C3orf52: variants seen among roughly 807,000 people sequenced by gnomAD.
C3orf52 encodes the protein chromosome 3 open reading frame 52.
C3orf52 carries 22 observed loss-of-function variants against 24.8 expected under a neutral mutation model. The observed-to-expected ratio is 0.89, with a 90% CI of 0.63 to 1.27. C3orf52 has a LOEUF of 1.27. C3orf52 is among the 50% of genes most tolerant of loss of function. The pLI, the probability that C3orf52 is intolerant of heterozygous loss-of-function variation, is 0.00. For synonymous variants in C3orf52, 93 were observed against 100.2 expected, an observed-to-expected ratio of 0.93 and a Z score of 0.43; for missense variants, 265 against 260.7, an observed-to-expected ratio of 1.02 and a Z score of -0.11.
chr3:112,091,104 G>A lies in C3orf52; in HGVS notation c.139-2256G>A, dbSNP rs143235251. On this transcript the variant is annotated intron_variant, in intron 1 of 5. Transcript: ENST00000264848. Reference sequence around the variant, plus strand: ...AGTGCTCCCCTCGCACCTCTGACAGGCTAGGCCTCAGAGTCAGTGTAAAGT... The same window carrying A: ...AGTGCTCCCCTCGCACCTCTGACAGACTAGGCCTCAGAGTCAGTGTAAAGT... Among the ~76,000 whole-genome samples the A allele has an allele frequency of 5.9e-3, 894 of 152,272 alleles. 14 individuals carry two copies. The highest frequency in any genetic ancestry group is 0.021 in the African/African-American group (855 of 41,552).
downstream of C3orf52, chr3:112,130,275 C>G: frequency 1.6e-6 from 1 of 632,994 alleles, no homozygotes; most frequent in Non-Finnish European, 2.9e-6. Flanking sequence ...TATCTCCTGT[C>G]CAAAGTTTTC....
chr3:112,124,845 A>G (rs1271621129), intron 4 of C3orf52, among the ~76,000 whole-genome samples: 3 of 152,040 alleles, frequency 2.0e-5, no homozygotes, highest in Admixed American at 6.5e-5. Context: ...CCTTTTAGCT[A>G]TTTGGCTTTG....
At chr3:112,113,272 C>T (rs2074103937) in intron 5 of C3orf52, 127 bp downstream of exon 5, 6 of 692,182 alleles carry the variant, frequency 8.7e-6, no homozygotes, top group South Asian at 6.0e-5. Flanking sequence ...TTCATTTATT[C>T]ACTCATCCCC....
rs1187751166 is a variant in C3orf52, at chr3:112,116,772, G to T, written c.*126G>T. ...CAGAAGCACCAGCAACACCAGAGGG[G>T]TGGAGACTCCTTTCTCTCCCGATTC... On this transcript the variant is annotated 3_prime_UTR_variant, in exon 6 of 6. Coordinates refer to ENST00000264848, the MANE Select transcript of C3orf52 (RefSeq NM_024616.3). 3 of 1,546,292 alleles carry T rather than the reference G, an allele frequency of 1.9e-6. No individual in the cohort carries two copies. The highest frequency in any genetic ancestry group is 4.9e-5 in the East Asian group (2 of 40,954).
intron 1 of C3orf52, 105 bp from the exon 2 acceptor site, chr3:112,093,255 C>T: frequency 8.4e-7 from 1 of 1,196,346 alleles, no homozygotes; most frequent in South Asian, 1.5e-5. Flanking sequence ...GCCCTAAGGT[C>T]AGGGTCTTGC....
rs568843889 is a variant in C3orf52 at position 112,110,570 on chromosome 3, A to T, written c.467+957A>T. Among the ~76,000 whole-genome samples, 13 of 152,238 alleles carry T rather than the reference A, an allele frequency of 8.5e-5. No individual in the cohort carries two copies. The East Asian group carries it at 2.5e-3, about 29-fold the overall frequency. ...ACCCATATGTATTTTTTATTTTTTA[A>T]ATTTCCTCCTCATCTTTAATGTTCT... On this transcript the variant is annotated intron_variant, in intron 4 of 5. Coordinates refer to ENST00000264848, the MANE Select transcript of C3orf52 (RefSeq NM_024616.3).
intron 4 of C3orf52, chr3:112,123,921 C>G: frequency 2.7e-6 from 2 of 749,698 alleles, no homozygotes; most frequent in Non-Finnish European, 4.3e-6. Context: ...TAAATGGCTG[C>G]TTCTACCCCA....
intron 2 of C3orf52, among the ~76,000 whole-genome samples, chr3:112,100,744 T>A (rs2073965567): frequency 6.6e-6 from 1 of 152,226 alleles, no homozygotes; most frequent in Admixed American, 6.5e-5. Flanking sequence ...CTAAAAATGA[T>A]AAATGTCATA....
At chr3:112,121,745 A>G (rs1447722394), downstream of C3orf52, 1 of 152,258 alleles carries the variant, frequency 6.6e-6, no homozygotes, top group African/African-American at 2.4e-5. Flanking sequence ...GCTGAAGACC[A>G]TCACCTGGCT....
intron 1 of C3orf52, among the ~76,000 whole-genome samples, chr3:112,087,876 T>G (rs1207901265): frequency 1.3e-5 from 2 of 152,150 alleles, no homozygotes; most frequent in Non-Finnish European, 2.9e-5. Context: ...TGGTGACAGT[T>G]TTGCCACTAA....
chr3:112,086,620 G>A, intron 1 of C3orf52, 75 bp downstream of exon 1: 1 of 1,489,620 alleles, frequency 6.7e-7, no homozygotes, highest in Non-Finnish European at 9.0e-7. Flanking sequence ...GCACCCGCGA[G>A]TTTCGGGTTT....
At chr3:112,106,080 G>A (rs775417854) in intron 3 of C3orf52, among the ~76,000 whole-genome samples, 1 of 152,128 alleles carries the variant, frequency 6.6e-6, no homozygotes, top group African/African-American at 2.4e-5. Context: ...GTCCTTTCAG[G>A]TGTGCCACTC....
At chr3:112,118,693 A>C (rs1476643707), downstream of C3orf52, among the ~76,000 whole-genome samples, 1 of 152,214 alleles carries the variant, frequency 6.6e-6, no homozygotes, top group Non-Finnish European at 1.5e-5. Context: ...TTACAAATGC[A>C]CTGTTCTGCT....
chr3:112,110,340 T>G (rs1559974953), intron 4 of C3orf52, among the ~76,000 whole-genome samples: 1 of 151,460 alleles, frequency 6.6e-6, no homozygotes, highest in East Asian at 1.9e-4. Context: ...AAAATAAAAA[T>G]AAATAAAAAT....
At chr3:112,099,637 T>A (rs1183064332) in intron 2 of C3orf52, among the ~76,000 whole-genome samples, 1 of 152,242 alleles carries the variant, frequency 6.6e-6, no homozygotes, top group Non-Finnish European at 1.5e-5. Flanking sequence ...CTCATTGGGT[T>A]AATGTGAGGA....
At chr3:112,134,772 A>G (rs1048131623), downstream of C3orf52, 1 of 154,346 alleles carries the variant, frequency 6.5e-6, no homozygotes, top group East Asian at 1.9e-4. Context: ...GCTCTGTGTT[A>G]TATTACATCC....
At chr3:112,131,329 C>G (rs2074445908), downstream of C3orf52, among the ~76,000 whole-genome samples, 2 of 152,134 alleles carry the variant, frequency 1.3e-5, no homozygotes, top group African/African-American at 2.4e-5. Context: ...CCATTCTATT[C>G]TGTGCAAAAT....
downstream of C3orf52, chr3:112,120,983 TG>T (rs2074185663): frequency 6.6e-6 from 1 of 152,224 alleles, no homozygotes; most frequent in Admixed American, 6.5e-5. Flanking sequence ...TATATCATAT[TG>T]GGTATCTTGA....
chr3:112,091,731 G>A (rs745690153), intron 1 of C3orf52, among the ~76,000 whole-genome samples: 11 of 152,206 alleles, frequency 7.2e-5, no homozygotes, highest in African/African-American at 1.2e-4. Context: ...AAGGCCAGTC[G>A]CGGTGGCTCA....
Sources: gnomAD v4.1 joint callset for allele counts (sites outside exome capture counted in the v4.1 genomes callset) on GRCh38, gnomAD v4.1.1 for gene constraint, MANE v1.5 for transcripts, NCBI Gene and HGNC (gene_info 2026-07-23, HGNC 2026-07-21) for gene names.